The following DCAKD variants were observed in gnomAD, a reference collection of about 807,000 sequenced individuals.
DCAKD encodes dephospho-CoA kinase domain-containing protein.
DCAKD carries 15 observed loss-of-function variants against 18.7 expected under a neutral mutation model. That is an observed-to-expected ratio of 0.80 (90% CI 0.54 to 1.24). The LOEUF (loss-of-function observed/expected upper bound fraction) is 1.24. Among genes scored for constraint, DCAKD ranks in the 50% most tolerant of loss-of-function variants. DCAKD has a pLI of 0.00. For synonymous variants in DCAKD, 130 were observed against 133.0 expected, an observed-to-expected ratio of 0.98 and a Z score of 0.16; for missense variants, 301 against 322.0, an observed-to-expected ratio of 0.93 and a Z score of 0.50.
At chr17:45,026,949 G>A (rs747456844) in intron 4 of DCAKD, 27 of 344,934 alleles carry the variant, frequency 7.8e-5, no homozygotes, top group Non-Finnish European at 1.1e-4. Context: ...AGCCCTTCCT[G>A]GGGCTCAGAA....
chr17:45,034,747 GC>G lies in DCAKD; in HGVS notation c.112+26del, dbSNP rs760893210. The stretch of plus-strand genomic sequence containing the variant: ...GAAGCGTGGGGAGCTGCTGTGCACG[GC>G]CCCCCAACCTGCCCCTCCAACTCAC... On this transcript the variant is annotated intron_variant, in intron 2 of 4. Coordinates refer to ENST00000651974, the MANE Select transcript of DCAKD (RefSeq NM_001288655.2). 1.9e-6 allele frequency: 3 copies of G among 1,609,818 alleles called. No homozygotes were observed. In the South Asian group the frequency reaches 3.3e-5, roughly 18 times the overall value.
chr17:45,057,117 G>C (rs941918753), intron 1 of DCAKD, among the ~76,000 whole-genome samples: 1 of 152,058 alleles, frequency 6.6e-6, no homozygotes, highest in Non-Finnish European at 1.5e-5. Context: ...GTCCGGGCTG[G>C]AGTGCAGTGG....
upstream of DCAKD, among the ~76,000 whole-genome samples, chr17:45,053,636 G>A (rs548385563): frequency 1.3e-5 from 2 of 152,300 alleles, no homozygotes; most frequent in South Asian, 4.1e-4. Flanking sequence ...GGCCGGGCTG[G>A]TCTGGAAATC....
chr17:45,047,632 G>A (rs563460346), intron 1 of DCAKD, among the ~76,000 whole-genome samples: 2 of 151,550 alleles, frequency 1.3e-5, no homozygotes, highest in South Asian at 4.1e-4. Context: ...AGCCTCCCCA[G>A]TAGCTGGGAT....
rs146985043 is a variant in DCAKD at position 45,036,417 on chromosome 17, G to A, written c.-114-1418C>T. Among the ~76,000 whole-genome samples the A allele has an allele frequency of 6.6e-3, 1,002 of 152,310 alleles. 18 individuals are homozygous for A. The highest frequency in any genetic ancestry group is 0.023 in the African/African-American group (954 of 41,570). ...TGCAGTCCCAGCTACTCGGGAGGCT[G>A]AGGCAGGAGAATCGCTTGAACCCAG... On this transcript the variant is annotated intron_variant, in intron 1 of 4. Transcript: ENST00000651974.
chr17:45,040,987 A>G (rs1335592378), intron 1 of DCAKD, among the ~76,000 whole-genome samples: 3 of 152,134 alleles, frequency 2.0e-5, no homozygotes, highest in Admixed American at 6.6e-5. Flanking sequence ...ATAAAGCCCT[A>G]CTGCTCTGGG....
upstream of DCAKD, chr17:45,054,233 C>T: frequency 2.1e-6 from 1 of 475,778 alleles, no homozygotes; most frequent in South Asian, 1.5e-5. Context: ...GAACTCACTG[C>T]CACTCAAGAC....
At chr17:45,039,189 T>C (rs760540740) in intron 1 of DCAKD, among the ~76,000 whole-genome samples, 1 of 151,992 alleles carries the variant, frequency 6.6e-6, no homozygotes, top group Admixed American at 6.6e-5. Flanking sequence ...AAGGAGGAAA[T>C]AGAGGCTTAG....
intron 1 of DCAKD, among the ~76,000 whole-genome samples, chr17:45,035,350 G>A (rs754884707): frequency 5.9e-5 from 9 of 151,880 alleles, no homozygotes; most frequent in East Asian, 1.9e-4. Flanking sequence ...GCGTGGTGGC[G>A]TGCACCTAGA....
rs1239595404 is a variant in DCAKD, at chr17:45,024,234, C to T, written c.*199G>A. 3 of 668,962 alleles carry T rather than the reference C, an allele frequency of 4.5e-6. No individual in the cohort carries two copies. The highest frequency in any genetic ancestry group is 7.2e-6 in the Non-Finnish European group (3 of 413,842). 41.4% of individuals were successfully genotyped at this position (668,962 alleles called of 1,614,324 possible). A position where few individuals can be genotyped will look rare whatever the true frequency, so the allele number is the denominator to read the frequency against. ...ATTTCTTGATCTCAAATAGGATACACTCCAAAGACGGGATGGCCTGGCACA... is the reference window on the plus strand; with the variant it reads ...ATTTCTTGATCTCAAATAGGATACATTCCAAAGACGGGATGGCCTGGCACA... On this transcript the variant is annotated 3_prime_UTR_variant, in exon 5 of 5. Coordinates refer to ENST00000651974, the MANE Select transcript of DCAKD (RefSeq NM_001288655.2).
rs769251277 is a variant in DCAKD, at chr17:45,034,267, C to CGGTCAGGCTGGTTAAAG, written c.219_235dup (p.Arg79ProfsTer23). 2 of 1,614,072 alleles carry CGGTCAGGCTGGTTAAAG rather than the reference C, an allele frequency of 1.2e-6. No homozygotes were observed. The highest frequency in any genetic ancestry group is 4.5e-5 in the East Asian group (2 of 44,894). On this transcript the variant is annotated frameshift_variant, in exon 3 of 5. Transcript: ENST00000651974. LOFTEE classifies it high-confidence loss of function. The stretch of plus-strand genomic sequence containing the variant: ...GGTGATGGCGTTGAGCAGCTGCCGC[C>CGGTCAGGCTGGTTAAAG]GGTCAGGCTGGTTAAAGATCAGGTC...
At chr17:45,058,177 T>C (rs1474800322) in intron 1 of DCAKD, among the ~76,000 whole-genome samples, 1 of 151,570 alleles carries the variant, frequency 6.6e-6, no homozygotes, top group African/African-American at 2.4e-5. Flanking sequence ...TAGCCAGGCA[T>C]GGGGGTGCGC....
chr17:45,042,113 TAA>T (rs557494753), intron 1 of DCAKD, among the ~76,000 whole-genome samples: 40 of 147,836 alleles, frequency 2.7e-4, no homozygotes, highest in African/African-American at 8.4e-4. Flanking sequence ...AGACCTGACT[TAA>T]AAAAAAAAGA....
chr17:45,034,255 A>G lies in DCAKD; in HGVS notation c.248T>C (p.Leu83Pro). The change falls in exon 3 of 5, where the codon CTC (leucine) becomes CCC (proline). Residue 83 changes from leucine to proline, a missense_variant. By Grantham distance (98) the Leu-to-Pro change is moderately conservative (BLOSUM62 -3). Coordinates refer to ENST00000651974, the MANE Select transcript of DCAKD (RefSeq NM_001288655.2). ...AATCTCGGGGTGGGTGATGGCGTTG[A>G]GCAGCTGCCGCCGGTCAGGCTGGTT... ...IFNQPDRRQLLNAITHPEIRK... is the reference protein window; with the variant it reads ...IFNQPDRRQLPNAITHPEIRK... 1 of 1,614,050 alleles carries G rather than the reference A, an allele frequency of 6.2e-7. No homozygotes were observed.
intron 1 of DCAKD, among the ~76,000 whole-genome samples, chr17:45,038,483 C>T (rs183851269): frequency 1.4e-3 from 210 of 152,288 alleles, no homozygotes; most frequent in Non-Finnish European, 2.4e-3. Context: ...AGTCTAGACC[C>T]CTGCCTTTAA....
At chr17:45,060,136 A>G (rs1172784269) in intron 1 of DCAKD, among the ~76,000 whole-genome samples, 2 of 152,056 alleles carry the variant, frequency 1.3e-5, no homozygotes, top group South Asian at 2.1e-4. Context: ...AGGTTGAATA[A>G]TAATAATAGG....
rs2052985690 is a variant in DCAKD, at chr17:45,023,550, C to G, written c.*883G>C. ...AGGGGGAGTTGGTATCCTAGACCAC[C>G]TAACCCAGCCTGGGGCTTTAGACAG... On this transcript the variant is annotated 3_prime_UTR_variant, in exon 5 of 5. Coordinates refer to ENST00000651974, the MANE Select transcript of DCAKD (RefSeq NM_001288655.2). 1.4e-5 allele frequency: 2 copies of G among 141,426 alleles called. No individual in the cohort carries two copies. Among genetic ancestry groups the G allele is most frequent in the Middle Eastern group, 3.8e-3 (1 of 262 alleles). 8.8% of individuals were successfully genotyped at this position (141,426 alleles called of 1,614,324 possible).
In DCAKD at chr17:45,033,577, G is replaced by A. The variant is rs148602512; in HGVS notation, c.316+610C>T. Among the ~76,000 whole-genome samples the A allele has an allele frequency of 2.9e-3, 444 of 152,220 alleles. 1 individual carries two copies. Among genetic ancestry groups the A allele is most frequent in the Non-Finnish European group, 4.7e-3 (322 of 68,010 alleles). ...CCTCCCAGGTTAAAGCGATTCTCCC[G>A]TCTCAGCCTCCCGAGTAGCTGGGAT... is the stretch of plus-strand genomic sequence containing the variant. On this transcript the variant is annotated intron_variant, in intron 3 of 4. Transcript: ENST00000651974.
In DCAKD at chr17:45,031,011, C is replaced by T. The variant is rs1420316281; in HGVS notation, c.317-832G>A. On this transcript the variant is annotated intron_variant, in intron 3 of 4. Transcript: ENST00000651974. ...CTCGTTCTTTTTAGGTCAGTGACCCCTGTGCATGTGTACAAAGCTGGGAGG... is the reference window on the plus strand; with the variant it reads ...CTCGTTCTTTTTAGGTCAGTGACCCTTGTGCATGTGTACAAAGCTGGGAGG... The T allele has an allele frequency of 1.1e-5, 11 of 985,320 alleles. No homozygotes were observed. The African/African-American group carries it at 1.7e-4, about 16-fold the overall frequency. 61.0% of individuals were successfully genotyped at this position (985,320 alleles called of 1,614,324 possible).
Sources: allele counts gnomAD v4.1 joint callset (sites outside exome capture counted in the v4.1 genomes callset), GRCh38; gene constraint gnomAD v4.1.1; transcripts MANE v1.5; gene names NCBI Gene and HGNC (gene_info 2026-07-23, HGNC 2026-07-21).